Variants in GRID2 observed in about 807,000 individuals in gnomAD.
GRID2 encodes the protein glutamate ionotropic receptor delta type subunit 2.
A neutral mutation model predicts 114.8 loss-of-function variants in GRID2; 33 were observed. The ratio of observed to expected loss-of-function variants is 0.29; its 90% CI spans 0.22 to 0.38. GRID2 has a LOEUF of 0.38. Ranked by LOEUF, GRID2 falls within the 10% of genes least tolerant of loss-of-function variation. GRID2 has a pLI of 1.00. For synonymous variants in GRID2, 505 were observed against 449.9 expected, an observed-to-expected ratio of 1.12 and a Z score of -1.55; for missense variants, 1,184 against 1,257.7, an observed-to-expected ratio of 0.94 and a Z score of 0.89.
At chr4:92,852,395 T>C (rs1743882032) in intron 2 of GRID2, among the ~76,000 whole-genome samples, 2 of 151,930 alleles carry the variant, frequency 1.3e-5, no homozygotes, top group Admixed American at 6.6e-5. Flanking sequence ...TCTTCCCTAC[T>C]AGCTCCTTTC....
chr4:92,927,555 G>C (rs1336822686), intron 2 of GRID2, among the ~76,000 whole-genome samples: 5 of 151,708 alleles, frequency 3.3e-5, no homozygotes, highest in African/African-American at 4.8e-5. Flanking sequence ...CATTTATAAT[G>C]GGTAGTAAGC....
chr4:92,384,595 TAACA>T (rs1729824745), intron 1 of GRID2, among the ~76,000 whole-genome samples: 1 of 31,874 alleles, frequency 3.1e-5, no homozygotes, highest in Non-Finnish European at 7.6e-5. Context: ...ATATTATATA[TAACA>T]TAATATATAA....
intron 1 of GRID2, among the ~76,000 whole-genome samples, chr4:92,411,486 A>G (rs961733854): frequency 6.6e-6 from 1 of 151,642 alleles, no homozygotes; most frequent in Non-Finnish European, 1.5e-5. Context: ...TTCATTTCCT[A>G]CAATATTTAA....
chr4:92,626,075 T>A (rs965757908), intron 2 of GRID2, among the ~76,000 whole-genome samples: 3 of 151,968 alleles, frequency 2.0e-5, no homozygotes, highest in African/African-American at 7.2e-5. Context: ...ACAAAAATAA[T>A]ATTTTTGATG....
intron 4 of GRID2, among the ~76,000 whole-genome samples, chr4:93,145,048 G>A (rs779652107): frequency 1.3e-5 from 2 of 152,076 alleles, no homozygotes; most frequent in African/African-American, 4.8e-5. Context: ...TACAATAGCC[G>A]TTTTCTCTTC....
intron 2 of GRID2, among the ~76,000 whole-genome samples, chr4:93,071,496 A>T (rs912927380): frequency 3.3e-5 from 5 of 152,154 alleles, no homozygotes; most frequent in Non-Finnish European, 1.5e-5. Context: ...TCAAATGATG[A>T]TAACTATTAA....
chr4:92,575,780 G>A (rs1727859742), intron 1 of GRID2, among the ~76,000 whole-genome samples: 1 of 152,174 alleles, frequency 6.6e-6, no homozygotes, highest in South Asian at 2.1e-4. Flanking sequence ...AAGGCCCACA[G>A]TCTGGACCAG....
At chr4:92,533,478 TACATACAC>T (rs1251368019) in intron 1 of GRID2, among the ~76,000 whole-genome samples, 1 of 142,472 alleles carries the variant, frequency 7.0e-6, no homozygotes, top group Non-Finnish European at 1.6e-5. Flanking sequence ...CATACATACA[TACATACAC>T]ACACAGGGTA....
intron 2 of GRID2, among the ~76,000 whole-genome samples, chr4:92,989,276 C>CAAAAAAAAAA (rs1182397768): frequency 5.4e-5 from 4 of 74,298 alleles, no homozygotes; most frequent in East Asian, 4.4e-4. Context: ...GACTCCATCT[C>CAAAAAAAAAA]AAAAAAAAAA....
chr4:93,398,846 C>T (rs1467956942), intron 9 of GRID2, among the ~76,000 whole-genome samples: 1 of 148,860 alleles, frequency 6.7e-6, no homozygotes, highest in African/African-American at 2.5e-5. Context: ...CTACAATATA[C>T]AATCATTGTG....
chr4:93,309,791 C>G (rs72876911), intron 8 of GRID2, among the ~76,000 whole-genome samples: 8,323 of 152,110 alleles, frequency 0.055, 772 homozygotes, highest in African/African-American at 0.19. Context: ...ATCTCCTTGA[C>G]ATAAAATTCA....
At chr4:92,851,763 T>G (rs1324104149) in intron 2 of GRID2, among the ~76,000 whole-genome samples, 1 of 151,834 alleles carries the variant, frequency 6.6e-6, no homozygotes, top group East Asian at 1.9e-4. Flanking sequence ...GTCATAGGAG[T>G]ACATAATATT....
chr4:93,146,301 A>G (rs72887690), intron 4 of GRID2, among the ~76,000 whole-genome samples: 9,216 of 152,178 alleles, frequency 0.061, 790 homozygotes, highest in African/African-American at 0.19. Flanking sequence ...TTGGACTTTC[A>G]TTTGGTATAG....
At chr4:93,650,360 A>G (rs2149720601) in intron 14 of GRID2, among the ~76,000 whole-genome samples, 1 of 151,492 alleles carries the variant, frequency 6.6e-6, no homozygotes, top group South Asian at 2.1e-4. Context: ...ATGTTATTTT[A>G]TTTATGAAAA....
In GRID2 at chr4:92,973,036, CT is replaced by C. The variant is rs1165619524; in HGVS notation, c.245-111956del. Among the ~76,000 whole-genome samples, 7 of 151,994 alleles carry C rather than the reference CT, an allele frequency of 4.6e-5. No individual in the cohort carries two copies. In the East Asian group the frequency reaches 1.2e-3, roughly 25 times the overall value. On this transcript the variant is annotated intron_variant, in intron 2 of 15. Transcript: ENST00000282020. ...ATGGGAATTTGGGTTGATTCCATGT[CT>C]TTGTTACTGTGAATAGTGTTGCAAT...
chr4:92,456,013 A>T (rs1721195038), intron 1 of GRID2, among the ~76,000 whole-genome samples: 1 of 152,176 alleles, frequency 6.6e-6, no homozygotes, highest in Admixed American at 6.6e-5. Context: ...GGGTTATATC[A>T]GTTGGTGGAC....
At position 93,302,742 on chromosome 4, in the gene GRID2, T is replaced by C. The variant is rs1755010121; in HGVS notation, c.1245+64252T>C. On this transcript the variant is annotated intron_variant, in intron 8 of 15. Transcript: ENST00000282020. ...TTCCTATTTTATGCTCATTTCCTAA[T>C]AAAACCAACAATATATCCAACTACA... The C allele has an allele frequency of 8.4e-6, 3 of 359,064 alleles. No homozygotes were observed. In the Admixed American group the frequency reaches 1.1e-4, roughly 13 times the overall value. The allele number at this position is 359,064 out of a possible 1,614,324, so 22.2% of individuals were successfully genotyped here. A position where few individuals can be genotyped will look rare whatever the true frequency, so the allele number is the denominator to read the frequency against.
At chr4:92,832,849 T>G (rs1044947331) in intron 2 of GRID2, among the ~76,000 whole-genome samples, 2 of 152,182 alleles carry the variant, frequency 1.3e-5, no homozygotes, top group African/African-American at 4.8e-5. Context: ...GCACTTTTTC[T>G]CTATGCATCC....
chr4:92,323,453 T>G (rs1726426040), intron 1 of GRID2, among the ~76,000 whole-genome samples: 1 of 152,090 alleles, frequency 6.6e-6, no homozygotes, highest in Non-Finnish European at 1.5e-5. Flanking sequence ...TAGATTCTCC[T>G]AAAAGTTTTT....
Sources: gnomAD v4.1 joint callset for allele counts (sites outside exome capture counted in the v4.1 genomes callset) on GRCh38, gnomAD v4.1.1 for gene constraint, MANE v1.5 for transcripts, NCBI Gene and HGNC (gene_info 2026-07-23, HGNC 2026-07-21) for gene names.